TRMT13: variants seen among roughly 807,000 people sequenced by gnomAD.
The protein encoded by TRMT13 is tRNA:m(4)X modification enzyme TRM13 homolog.
In TRMT13, 45 loss-of-function variants were observed where a neutral mutation model predicts 55.9. The observed-to-expected ratio is 0.80, with a 90% confidence interval of 0.63 to 1.03. The LOEUF is 1.03. TRMT13 is among the 50% of genes least tolerant of loss of function. The probability of loss-of-function intolerance (pLI) is 0.00; values close to 1 mark genes in which losing one functional copy is unlikely to be tolerated. For missense variants in TRMT13, 513 were observed against 563.9 expected (o/e 0.91, Z 0.91); for synonymous variants, 183 against 196.3 (o/e 0.93, Z 0.57).
chr1:100,136,945 T>TA lies in TRMT13; in HGVS notation c.194+18dup. On this transcript the variant is annotated intron_variant, in intron 2 of 10. Coordinates refer to ENST00000370141, the MANE Select transcript of TRMT13 (RefSeq NM_019083.3). Reference sequence around the variant, plus strand: ...TCCAAAACAGTAAGTGTGGATCAGATACGGGTTTTTTTTTGTGCTGGAAAC... The same window carrying TA: ...TCCAAAACAGTAAGTGTGGATCAGATAACGGGTTTTTTTTTGTGCTGGAAAC... The TA allele has an allele frequency of 1.9e-6, 3 of 1,602,148 alleles. No individual in the cohort carries two copies. The highest frequency in any genetic ancestry group is 2.5e-6 in the Non-Finnish European group (3 of 1,176,544).
At chr1:100,145,013 G>A (rs1657062451) in intron 9 of TRMT13, among the ~76,000 whole-genome samples, 1 of 152,198 alleles carries the variant, frequency 6.6e-6, no homozygotes, top group South Asian at 2.1e-4. Flanking sequence ...ACTCATATAT[G>A]ACAGTGGTCC....
intron 5 of TRMT13, 68 bp from the exon 6 acceptor site, chr1:100,140,340 T>A (rs1280043142): frequency 3.2e-6 from 5 of 1,553,562 alleles, no homozygotes; most frequent in Non-Finnish European, 4.4e-6. Context: ...AATATGTTAC[T>A]ACTATTGTTC....
intron 8 of TRMT13, 54 bp downstream of exon 8, chr1:100,143,263 T>C: frequency 8.4e-7 from 1 of 1,193,782 alleles, no homozygotes; most frequent in Middle Eastern, 1.9e-4. Context: ...TGTTTTAAAC[T>C]CTGAGGTTGC....
chr1:100,142,296 G>A (rs1656735115), intron 7 of TRMT13, among the ~76,000 whole-genome samples: 1 of 152,158 alleles, frequency 6.6e-6, no homozygotes, highest in African/African-American at 2.4e-5. Context: ...ATTTTTCAAA[G>A]TTTATCCTAG....
Position 100,148,121 on chromosome 1 carries a change from G to T in TRMT13, c.1045G>T (p.Glu349Ter), listed in dbSNP as rs1435367313. 6.2e-7 allele frequency: 1 copy of T among 1,614,232 alleles called. No individual in the cohort carries two copies. Among genetic ancestry groups the T allele is most frequent in the Admixed American group, 1.7e-5 (1 of 60,026 alleles). Residue 349 changes from glutamate to a stop codon, truncating the protein, a stop_gained, in exon 10 of 11, where the codon GAA becomes TAA. Coordinates refer to ENST00000370141, the MANE Select transcript of TRMT13 (RefSeq NM_019083.3). LOFTEE classifies it high-confidence loss of function. ...TGATTGGAGACATTATGTGGGCAAA[G>T]AATATTTCAGGGCTCTAGGCCTTGG... ...RCDWRHYVGKEYFRALGLGAV... is the reference protein window; with the variant it reads ...RCDWRHYVGK
Position 100,149,259 on chromosome 1 carries a change from G to A in TRMT13, c.*439G>A, listed in dbSNP as rs1214041541. 7.3e-6 allele frequency: 11 copies of A among 1,514,978 alleles called. No individual in the cohort carries two copies. In the Admixed American group the frequency reaches 1.0e-4, roughly 14 times the overall value. The allele number at this position is 1,514,978 out of a possible 1,614,324, so 93.8% of individuals were successfully genotyped here. A position where few individuals can be genotyped will look rare whatever the true frequency, so the allele number is the denominator to read the frequency against. ...GCCAATCTGAGAATTTGACTTATAT[G>A]TGGACATTTTTCCCTACAGATCTGG... On this transcript the variant is annotated 3_prime_UTR_variant, in exon 11 of 11. Transcript: ENST00000370141.
intron 1 of TRMT13, among the ~76,000 whole-genome samples, chr1:100,136,343 G>C (rs1307946313): frequency 6.6e-6 from 1 of 152,088 alleles, no homozygotes; most frequent in Non-Finnish European, 1.5e-5. Context: ...AAAATGATTA[G>C]TATGTGAGGC....
At chr1:100,139,129 G>A (rs1000179209) in intron 3 of TRMT13, among the ~76,000 whole-genome samples, 11 of 152,164 alleles carry the variant, frequency 7.2e-5, no homozygotes, top group Non-Finnish European at 1.2e-4. Flanking sequence ...AGTGTGACAG[G>A]ACATTTATAT....
rs561592859 is a variant in TRMT13, at chr1:100,149,229, C to G, written c.*409C>G. The stretch of plus-strand genomic sequence containing the variant: ...TTCAAGAGGTAGTGATTGATTGTAA[C>G]AAGGGCCAATCTGAGAATTTGACTT... On this transcript the variant is annotated 3_prime_UTR_variant, in exon 11 of 11. Coordinates refer to ENST00000370141, the MANE Select transcript of TRMT13 (RefSeq NM_019083.3). 5.4e-6 allele frequency: 8 copies of G among 1,494,480 alleles called. No individual in the cohort carries two copies. The East Asian group carries it at 1.8e-4, about 34-fold the overall frequency. 92.6% of individuals were successfully genotyped at this position (1,494,480 alleles called of 1,614,324 possible).
At chr1:100,146,391 A>G (rs1417680131) in intron 9 of TRMT13, among the ~76,000 whole-genome samples, 1 of 152,196 alleles carries the variant, frequency 6.6e-6, no homozygotes, top group Non-Finnish European at 1.5e-5. Context: ...TTGGCTACCA[A>G]TTTGCTGTGT....
chr1:100,143,526 G>T (rs1656872242), intron 8 of TRMT13, among the ~76,000 whole-genome samples: 1 of 152,088 alleles, frequency 6.6e-6, no homozygotes, highest in Admixed American at 6.5e-5. Flanking sequence ...CTATAAACTA[G>T]CCTTCTGCCT....
intron 8 of TRMT13, among the ~76,000 whole-genome samples, chr1:100,143,565 G>C (rs750264188): frequency 5.9e-5 from 9 of 152,046 alleles, no homozygotes; most frequent in Non-Finnish European, 8.8e-5. Context: ...CCTAAACCAT[G>C]AAAGAAAATG....
intron 1 of TRMT13, among the ~76,000 whole-genome samples, chr1:100,134,706 A>G (rs1029193974): frequency 2.6e-5 from 4 of 152,216 alleles, no homozygotes; most frequent in African/African-American, 9.6e-5. Context: ...AGAAGGATTT[A>G]GACTCCACCT....
rs904593152 is a variant in TRMT13, at chr1:100,148,299, C to T, written c.1223C>T (p.Thr408Ile). ...CATGATGATGGAGGATACAGAATCA[C>T]AGATGATGGCGCTGATTGTTTGCCT... ...EEHDDGGYRI[T>I]DDGADCLPGL... The change falls in exon 10 of 11, where the codon ACA (threonine) becomes ATA (isoleucine). Residue 408 changes from threonine to isoleucine, a missense_variant. By Grantham distance (89) the Thr-to-Ile change is moderately conservative. Transcript: ENST00000370141. The T allele has an allele frequency of 6.2e-7, 1 of 1,613,740 alleles. No individual in the cohort carries two copies. Among genetic ancestry groups the T allele is most frequent in the Middle Eastern group, 1.6e-4 (1 of 6,062 alleles).
Position 100,133,210 on chromosome 1 carries a change from A to G in TRMT13, c.42A>G (p.Pro14=). Residue 14 remains proline (P), a synonymous_variant, in exon 1 of 11, where the codon CCA becomes CCG. Transcript: ENST00000370141. ...CGTCGCCGCACGCGCCTGGTTTTCC[A>G]GCTGAGGGTAGATGCGGTTACTATG... ...SATSPHAPGF[P]AEGRCGYYVE... is the part of the protein sequence containing the mutation. The G allele has an allele frequency of 1.2e-6, 2 of 1,614,184 alleles. No individual in the cohort carries two copies. The highest frequency in any genetic ancestry group is 1.7e-6 in the Non-Finnish European group (2 of 1,180,032).
At chr1:100,138,552 C>T (rs1656194709) in intron 3 of TRMT13, among the ~76,000 whole-genome samples, 2 of 152,208 alleles carry the variant, frequency 1.3e-5, no homozygotes, top group Admixed American at 6.5e-5. Flanking sequence ...AAGCAACACA[C>T]ATTCTGTCCA....
intron 3 of TRMT13, among the ~76,000 whole-genome samples, chr1:100,137,370 A>T (rs1374516766): frequency 6.6e-6 from 1 of 151,730 alleles, no homozygotes; most frequent in Non-Finnish European, 1.5e-5. Context: ...TTATTTTTTT[A>T]TTTTTTTATA....
intron 1 of TRMT13, 146 bp from the exon 2 acceptor site, chr1:100,136,736 G>A (rs1384717940): frequency 2.1e-5 from 14 of 667,084 alleles, no homozygotes; most frequent in Non-Finnish European, 3.2e-5. Flanking sequence ...AAACCCTTGG[G>A]ACCTGATTTT....
At position 100,140,925 on chromosome 1, in the gene TRMT13, G is replaced by T; in HGVS notation, c.575G>T (p.Gly192Val). The T allele has an allele frequency of 5.6e-6, 9 of 1,613,846 alleles. No individual in the cohort carries two copies. Among genetic ancestry groups the T allele is most frequent in the Non-Finnish European group, 7.6e-6 (9 of 1,179,870 alleles). ...PRRCFVEFGA[G>V]KGKLSHWVDI... ...AGATGCTTTGTTGAGTTTGGAGCGG[G>T]AAAGGGAAAATTATCTCATTGGGTT... Residue 192 changes from glycine (G) to valine (V), a missense_variant, in exon 7 of 11, where the codon GGA (glycine) becomes GTA (valine). Physicochemically the swap from Gly to Val is moderately radical, Grantham distance 109 (BLOSUM62 -3). This residue lies in a region of TRMT13 where 298 missense variants were observed against 290.3 expected (regional missense o/e 1.03). Coordinates refer to ENST00000370141, the MANE Select transcript of TRMT13 (RefSeq NM_019083.3).
Sources: allele counts gnomAD v4.1 joint callset (sites outside exome capture counted in the v4.1 genomes callset), GRCh38; gene constraint gnomAD v4.1.1; regional missense constraint gnomAD v4.1.1; transcripts MANE v1.5; gene names NCBI Gene and HGNC (gene_info 2026-07-23, HGNC 2026-07-21).